The following ANKRD16 variants were observed in gnomAD, a reference collection of about 807,000 sequenced individuals.
The protein encoded by ANKRD16 is ankyrin repeat domain 16.
In ANKRD16, 35 loss-of-function variants were observed where a neutral mutation model predicts 37.9. The observed-to-expected ratio is 0.92, with a 90% CI of 0.71 to 1.23. The LOEUF (loss-of-function observed/expected upper bound fraction) is 1.23. Ranked by LOEUF, ANKRD16 falls within the 50% of genes most tolerant of loss-of-function variation. The pLI is 0.00. For missense variants in ANKRD16, 480 were observed against 469.9 expected (o/e 1.02, Z -0.20); for synonymous variants, 206 against 197.2 (o/e 1.04, Z -0.37).
intron 3 of ANKRD16, among the ~76,000 whole-genome samples, chr10:5,885,320 A>G (rs1842402163): frequency 6.6e-6 from 1 of 152,010 alleles, no homozygotes; most frequent in Non-Finnish European, 1.5e-5. Flanking sequence ...AGCTGGGACT[A>G]CAGGCGCCCG....
chr10:5,885,646 G>A (rs1386813264), intron 3 of ANKRD16, 77 bp downstream of exon 3: 2 of 1,502,430 alleles, frequency 1.3e-6, no homozygotes, highest in Admixed American at 1.8e-5. Context: ...ATGTGTCTGA[G>A]CTCTTTATGT....
Position 5,866,501 on chromosome 10 carries a change from G to T in ANKRD16, c.*34-3810C>A, listed in dbSNP as rs1332280510. Among the ~76,000 whole-genome samples, 3 of 152,198 alleles carry T rather than the reference G, an allele frequency of 2.0e-5. No individual in the cohort carries two copies. The highest frequency in any genetic ancestry group is 7.2e-5 in the African/African-American group (3 of 41,450). On this transcript the variant is annotated intron_variant, in intron 7 of 7. Coordinates refer to ENST00000380094, the MANE Select transcript of ANKRD16 (RefSeq NM_019046.3). The surrounding 1 kb of genome is among the most constrained non-coding windows in gnomAD (Gnocchi z 4.3). ...TACCCGAGCCTTAGAACTGGGAAAG[G>T]AAAGGAGAATAAATGTGTATACAGA...
rs1842056081 is a variant in ANKRD16, at chr10:5,869,270, C to A, written c.*34-6579G>T. Among the ~76,000 whole-genome samples, 1 of 152,134 alleles carries A rather than the reference C, an allele frequency of 6.6e-6. No homozygotes were observed. Among genetic ancestry groups the A allele is most frequent in the South Asian group, 2.1e-4 (1 of 4,826 alleles). ...GGAGCACAAATATGTCTGAATTAATCAAACTGTATATATCAAGGATGTGCA... is the reference window on the plus strand; with the variant it reads ...GGAGCACAAATATGTCTGAATTAATAAAACTGTATATATCAAGGATGTGCA... On this transcript the variant is annotated intron_variant, in intron 7 of 7. Coordinates refer to ENST00000380094, the MANE Select transcript of ANKRD16 (RefSeq NM_019046.3). The surrounding 1 kb of genome is among the most constrained non-coding windows in gnomAD (Gnocchi z 4.0).
rs1842547481 is a variant in ANKRD16, at chr10:5,889,334, C to T, written c.21G>A (p.Pro7=). 2.4e-6 allele frequency: 3 copies of T among 1,255,116 alleles called. No homozygotes were observed. The East Asian group carries it at 9.5e-5, about 40-fold the overall frequency. The allele number at this position is 1,255,116 out of a possible 1,614,324, so 77.7% of individuals were successfully genotyped here. The change falls in exon 1 of 8, where the codon CCG becomes CCA. Residue 7 remains proline (P), a synonymous_variant. Coordinates refer to ENST00000380094, the MANE Select transcript of ANKRD16 (RefSeq NM_019046.3). ...CCTGCACCAGCCTGCAGAGGCGCCGCGGGTCCCCGGGCTGGGCCATCGCCG... is the reference window on the plus strand; with the variant it reads ...CCTGCACCAGCCTGCAGAGGCGCCGTGGGTCCCCGGGCTGGGCCATCGCCG... MAQPGD[P]RRLCRLVQEG...
chr10:5,878,053 T>C lies in ANKRD16; in HGVS notation c.*33+44A>G. On this transcript the variant is annotated intron_variant, in intron 7 of 7. Transcript: ENST00000380094. The surrounding 1 kb of genome is among the most constrained non-coding windows in gnomAD (Gnocchi z 5.1). Reference sequence around the variant, plus strand: ...GATGGAAAACTGGCTTCCAACTGGTTTCGCTGAATCTGTGACTGACTTAAG... The same window carrying C: ...GATGGAAAACTGGCTTCCAACTGGTCTCGCTGAATCTGTGACTGACTTAAG... The C allele has an allele frequency of 6.5e-7, 1 of 1,536,714 alleles. No homozygotes were observed.
chr10:5,885,498 C>T (rs979796408), intron 3 of ANKRD16, among the ~76,000 whole-genome samples: 5 of 151,900 alleles, frequency 3.3e-5, no homozygotes, highest in Admixed American at 6.6e-5. Flanking sequence ...TATAAATGCT[C>T]GTTGAAAAAA....
chr10:5,875,713 CTTTTT>C (rs71388492), intron 7 of ANKRD16, among the ~76,000 whole-genome samples: 4 of 106,374 alleles, frequency 3.8e-5, no homozygotes, highest in Admixed American at 9.7e-5. Flanking sequence ...AATTAATGTT[CTTTTT>C]TTTTTTTTTT....
At chr10:5,886,397 C>T (rs1375273069) in intron 2 of ANKRD16, among the ~76,000 whole-genome samples, 2 of 152,216 alleles carry the variant, frequency 1.3e-5, no homozygotes, top group African/African-American at 4.8e-5. Context: ...TCAAGACCAG[C>T]CTGGCCAACA....
At chr10:5,885,259 C>G (rs1053201118) in intron 3 of ANKRD16, among the ~76,000 whole-genome samples, 1 of 152,144 alleles carries the variant, frequency 6.6e-6, no homozygotes, top group African/African-American at 2.4e-5. Context: ...CGGCTCACTG[C>G]AAGCTCCGCC....
At chr10:5,884,473 G>A (rs1842380744) in intron 3 of ANKRD16, among the ~76,000 whole-genome samples, 1 of 152,164 alleles carries the variant, frequency 6.6e-6, no homozygotes, top group Non-Finnish European at 1.5e-5. Flanking sequence ...GCTCACGACT[G>A]TAATCCCAGC....
rs1228186262 is a variant in ANKRD16 at position 5,869,338 on chromosome 10, G to A, written c.*34-6647C>T. 6.6e-6 allele frequency among the ~76,000 whole-genome samples: 1 copy of A among 152,150 alleles called. No homozygotes were observed. The highest frequency in any genetic ancestry group is 1.5e-5 in the Non-Finnish European group (1 of 68,032). On this transcript the variant is annotated intron_variant, in intron 7 of 7. Coordinates refer to ENST00000380094, the MANE Select transcript of ANKRD16 (RefSeq NM_019046.3). The surrounding 1 kb of genome is among the most constrained non-coding windows in gnomAD (Gnocchi z 4.0). ...TACCTCAGTAAAACCATTACAAAAAGGAAAAGAACAAAGGAAATGCAAATT... is the reference window on the plus strand; with the variant it reads ...TACCTCAGTAAAACCATTACAAAAAAGAAAAGAACAAAGGAAATGCAAATT...
At chr10:5,886,605 G>A (rs1169479309) in intron 2 of ANKRD16, among the ~76,000 whole-genome samples, 1 of 151,728 alleles carries the variant, frequency 6.6e-6, no homozygotes, top group African/African-American at 2.4e-5. Flanking sequence ...AAAAACAAAA[G>A]ACAAAAAGCA....
intron 3 of ANKRD16, among the ~76,000 whole-genome samples, chr10:5,885,393 A>G (rs927086520): frequency 2.0e-5 from 3 of 152,114 alleles, no homozygotes; most frequent in Non-Finnish European, 4.4e-5. Context: ...TGTGTTAGCC[A>G]GGATGGTCTC....
intron 2 of ANKRD16, among the ~76,000 whole-genome samples, chr10:5,886,666 T>C (rs1842428541): frequency 1.3e-5 from 2 of 152,224 alleles, no homozygotes; most frequent in African/African-American, 4.8e-5. Context: ...AAAAGCCCTC[T>C]ATCCTAATCA....
rs1842560882 is a variant in ANKRD16 at position 5,889,577 on chromosome 10, C to T, written c.-223G>A. 4.1e-6 allele frequency: 1 copy of T among 245,076 alleles called. No individual in the cohort carries two copies. Among genetic ancestry groups the T allele is most frequent in the South Asian group, 1.7e-4 (1 of 5,748 alleles). The allele number at this position is 245,076 out of a possible 1,614,324, so 15.2% of individuals were successfully genotyped here. On this transcript the variant is annotated 5_prime_UTR_variant, in exon 1 of 8. Coordinates refer to ENST00000380094, the MANE Select transcript of ANKRD16 (RefSeq NM_019046.3). ...CGCAGGCGGGCTGCCCCCTCACAGC[C>T]CCGGCCTGCCCCGCGTGGGAGAAGC...
chr10:5,882,858 G>A (rs572029629), intron 5 of ANKRD16, 148 bp downstream of exon 5: 9 of 817,530 alleles, frequency 1.1e-5, no homozygotes, highest in East Asian at 5.7e-5. Context: ...GAGATAAAGC[G>A]CTTCAGAATC....
In ANKRD16 at chr10:5,871,503, T is replaced by A. The variant is rs562505227; in HGVS notation, c.*33+6594A>T. Reference sequence around the variant, plus strand: ...AAAAACTGCCAAATGTAAGTCCACATTATTATCCATTCTTGTAGGAAACGT... The same window carrying A: ...AAAAACTGCCAAATGTAAGTCCACAATATTATCCATTCTTGTAGGAAACGT... On this transcript the variant is annotated intron_variant, in intron 7 of 7. Coordinates refer to ENST00000380094, the MANE Select transcript of ANKRD16 (RefSeq NM_019046.3). This position sits in a 1 kb window ranked among gnomAD's most constrained non-coding sequence, Gnocchi z 4.5. Among the ~76,000 whole-genome samples the A allele has an allele frequency of 1.3e-5, 2 of 152,306 alleles. No individual in the cohort carries two copies. The highest frequency in any genetic ancestry group is 4.2e-4 in the South Asian group (2 of 4,818).
intron 5 of ANKRD16, 68 bp downstream of exon 5, chr10:5,882,938 G>A: frequency 6.5e-7 from 1 of 1,542,376 alleles, no homozygotes; most frequent in South Asian, 1.2e-5. Context: ...CCAGGCTGCA[G>A]AGCTACTGAT....
In ANKRD16 at chr10:5,874,262, C is replaced by T. The variant is rs976517678; in HGVS notation, c.*33+3835G>A. Among the ~76,000 whole-genome samples the T allele has an allele frequency of 3.9e-5, 6 of 152,214 alleles. No individual in the cohort carries two copies. The highest frequency in any genetic ancestry group is 2.1e-4 in the South Asian group (1 of 4,834). ...CGGGTGTGCTTTTAGGACAAGCTGA[C>T]AGCCCTGGTGGAAGTGGGTGTTAGT... On this transcript the variant is annotated intron_variant, in intron 7 of 7. Transcript: ENST00000380094. The surrounding 1 kb of genome is among the most constrained non-coding windows in gnomAD (Gnocchi z 4.7).
Sources: allele counts gnomAD v4.1 joint callset (sites outside exome capture counted in the v4.1 genomes callset), GRCh38; gene constraint gnomAD v4.1.1; non-coding constraint Gnocchi (gnomAD v3.1); transcripts MANE v1.5; gene names NCBI Gene and HGNC (gene_info 2026-07-23, HGNC 2026-07-21).